CCDC126: variants seen among roughly 807,000 people sequenced by gnomAD.
CCDC126 encodes the protein coiled-coil domain-containing protein 126.
A neutral mutation model predicts 11.7 loss-of-function variants in CCDC126; 5 were observed. That is an observed-to-expected ratio of 0.43 (90% CI 0.22 to 0.90). The LOEUF is 0.90. Among genes scored for constraint, CCDC126 ranks in the 40% least tolerant of loss-of-function variants. The pLI is 0.27. For synonymous variants in CCDC126, 60 were observed against 61.9 expected (o/e 0.97, Z 0.14); for missense variants, 150 against 163.1 (o/e 0.92, Z 0.44).
At chr7:23,607,166 T>G (rs1782637678) in intron 2 of CCDC126, among the ~76,000 whole-genome samples, 1 of 152,202 alleles carries the variant, frequency 6.6e-6, no homozygotes, top group Non-Finnish European at 1.5e-5. Context: ...TGTGTTTTTT[T>G]TAAGTGATTA....
At position 23,636,762 on chromosome 7, in the gene CCDC126, A is replaced by AG. The variant is rs1194537450; in HGVS notation, c.239-6166dup. Among the ~76,000 whole-genome samples the AG allele has an allele frequency of 3.8e-4, 47 of 125,302 alleles. No homozygotes were observed. In the South Asian group the frequency reaches 6.0e-3, roughly 16 times the overall value. The allele number at this position is 125,302 out of a possible 152,430, so 82.2% of individuals were successfully genotyped here. On this transcript the variant is annotated intron_variant, in intron 3 of 3. Coordinates refer to ENST00000307471, the MANE Select transcript of CCDC126 (RefSeq NM_138771.4). The stretch of plus-strand genomic sequence containing the variant: ...CCGCCCGGCAGCCACCCCGTCCGGG[A>AG]GGGAGGTGGGGGGGGGGTCAGCCCC...
At chr7:23,608,627 A>C (rs1782657312) in intron 2 of CCDC126, among the ~76,000 whole-genome samples, 1 of 152,190 alleles carries the variant, frequency 6.6e-6, no homozygotes, top group African/African-American at 2.4e-5. Context: ...GCCTAATGGC[A>C]TGATGATAAT....
chr7:23,610,346 G>C (rs1562490947), intron 2 of CCDC126, among the ~76,000 whole-genome samples: 1 of 152,068 alleles, frequency 6.6e-6, no homozygotes. Context: ...TGGGTAGCTG[G>C]GACTACAGGC....
intron 2 of CCDC126, chr7:23,602,000 C>T (rs1343059126): frequency 2.0e-5 from 3 of 152,250 alleles, no homozygotes; most frequent in South Asian, 2.1e-4. Flanking sequence ...TTACTTTTCT[C>T]TGGAAATAAT....
At chr7:23,638,725 A>T (rs979032368) in intron 3 of CCDC126, among the ~76,000 whole-genome samples, 31 of 96,712 alleles carry the variant, frequency 3.2e-4, no homozygotes, top group Admixed American at 1.1e-3. Flanking sequence ...AAAAAAAAAA[A>T]TTAAAAAAAA....
chr7:23,630,801 C>T (rs796877054), intron 3 of CCDC126, among the ~76,000 whole-genome samples: 2 of 147,988 alleles, frequency 1.4e-5, no homozygotes, highest in African/African-American at 2.5e-5. Context: ...AAACAAGCCT[C>T]ACAAACTTAA....
chr7:23,615,701 T>G (rs894047598), intron 3 of CCDC126, among the ~76,000 whole-genome samples: 1 of 152,186 alleles, frequency 6.6e-6, no homozygotes, highest in South Asian at 2.1e-4. Flanking sequence ...AATATTGTTA[T>G]GTCTAAGGGA....
intron 3 of CCDC126, among the ~76,000 whole-genome samples, chr7:23,639,716 G>A (rs892338328): frequency 6.6e-6 from 1 of 152,074 alleles, no homozygotes; most frequent in Non-Finnish European, 1.5e-5. Context: ...CATAAGACTT[G>A]CTCCAAATAG....
chr7:23,635,780 C>T (rs112307125), intron 3 of CCDC126, among the ~76,000 whole-genome samples: 39 of 152,278 alleles, frequency 2.6e-4, no homozygotes, highest in African/African-American at 9.4e-4. Flanking sequence ...GATTAGACTG[C>T]ACCTTTATAA....
chr7:23,638,378 T>C (rs1347021766), intron 3 of CCDC126, among the ~76,000 whole-genome samples: 1 of 95,862 alleles, frequency 1.0e-5, no homozygotes, highest in Non-Finnish European at 2.1e-5. Context: ...CTAAGAAAAA[T>C]TCTTCTGCCT....
In CCDC126 at chr7:23,611,507, T is replaced by C. The variant is rs1782710602; in HGVS notation, c.192T>C (p.Asn64=). Residue 64 remains asparagine (N), a synonymous_variant, in exon 3 of 4, where the codon AAT becomes AAC. Transcript: ENST00000307471. ...KRYVKALAEE[N]KNTVDVENGA... ...ATGTTAAAGCTCTAGCAGAGGAAAA[T>C]AAGAACACAGTGGATGTCGAGAACG... 6.2e-7 allele frequency: 1 copy of C among 1,613,894 alleles called. No individual in the cohort carries two copies. The highest frequency in any genetic ancestry group is 2.2e-5 in the East Asian group (1 of 44,842).
chr7:23,601,215 C>T (rs755105393), intron 2 of CCDC126, among the ~76,000 whole-genome samples: 1 of 152,058 alleles, frequency 6.6e-6, no homozygotes, highest in African/African-American at 2.4e-5. Flanking sequence ...GAGACCTTGT[C>T]GCTGCTAAAA....
At chr7:23,619,412 A>G in intron 3 of CCDC126, 1 of 423,844 alleles carries the variant, frequency 2.4e-6, no homozygotes, top group Non-Finnish European at 4.6e-6. Flanking sequence ...CTTAAAGAAA[A>G]GGATAGATTA....
intron 3 of CCDC126, among the ~76,000 whole-genome samples, chr7:23,639,667 A>G (rs1305934449): frequency 6.6e-6 from 1 of 152,194 alleles, no homozygotes; most frequent in Non-Finnish European, 1.5e-5. Context: ...TTCATGATGA[A>G]TGATGCCAGA....
chr7:23,634,916 C>A (rs749437561), intron 3 of CCDC126, among the ~76,000 whole-genome samples: 3 of 152,190 alleles, frequency 2.0e-5, no homozygotes, highest in Non-Finnish European at 4.4e-5. Flanking sequence ...TAGCTTCCTG[C>A]TGTGCCTTAT....
At chr7:23,622,926 G>T in intron 3 of CCDC126, 9 of 256,586 alleles carry the variant, frequency 3.5e-5, no homozygotes, top group South Asian at 1.6e-4. Flanking sequence ...CTGTTGACCT[G>T]TTTGCTCTGC....
At chr7:23,608,919 A>C (rs992428720) in intron 2 of CCDC126, among the ~76,000 whole-genome samples, 1 of 152,080 alleles carries the variant, frequency 6.6e-6, no homozygotes, top group African/African-American at 2.4e-5. Context: ...GGGAGTGCTG[A>C]TTGTTCAGGT....
chr7:23,627,162 T>G (rs1783030094), intron 3 of CCDC126, among the ~76,000 whole-genome samples: 1 of 152,200 alleles, frequency 6.6e-6, no homozygotes, highest in African/African-American at 2.4e-5. Context: ...CGACTGACCC[T>G]GCTTTCTTTT....
At chr7:23,603,816 A>C (rs1429237130) in intron 2 of CCDC126, among the ~76,000 whole-genome samples, 1 of 152,214 alleles carries the variant, frequency 6.6e-6, no homozygotes, top group African/African-American at 2.4e-5. Context: ...GGCATTTCTC[A>C]GTGACGGCTG....
Sources: allele counts gnomAD v4.1 joint callset (sites outside exome capture counted in the v4.1 genomes callset), GRCh38; gene constraint gnomAD v4.1.1; transcripts MANE v1.5; gene names NCBI Gene and HGNC (gene_info 2026-07-23, HGNC 2026-07-21).